MBNL2: variants seen among roughly 807,000 people sequenced by gnomAD.
MBNL2 encodes muscleblind-like protein 2.
MBNL2 carries 17 observed loss-of-function variants against 41.9 expected under a neutral mutation model. The observed-to-expected ratio is 0.41, with a 90% CI of 0.28 to 0.61. MBNL2 has a LOEUF of 0.61. Among genes scored for constraint, MBNL2 ranks in the 20% least tolerant of loss-of-function variants. The pLI, the probability that MBNL2 is intolerant of heterozygous loss-of-function variation, is 0.35. For synonymous variants in MBNL2, 195 were observed against 182.9 expected (o/e 1.07, Z -0.53); for missense variants, 336 against 505.6 (o/e 0.66, Z 3.22).
intron 3 of MBNL2, among the ~76,000 whole-genome samples, chr13:97,338,546 C>T (rs2061088310): frequency 6.6e-6 from 1 of 152,204 alleles, no homozygotes; most frequent in African/African-American, 2.4e-5. Flanking sequence ...CTCAAATTCA[C>T]AGTGTTTGAA....
chr13:97,271,621 C>T (rs1294219700), intron 1 of MBNL2, among the ~76,000 whole-genome samples: 1 of 152,062 alleles, frequency 6.6e-6, no homozygotes, highest in African/African-American at 2.4e-5. Flanking sequence ...GTGATGTTCC[C>T]CTCTCTGTGT....
the MBNL2 span, among the ~76,000 whole-genome samples, chr13:97,162,158 G>A: frequency 2.3e-4 from 35 of 152,174 alleles, no homozygotes; most frequent in African/African-American, 7.9e-4. Flanking sequence ...TCACTCTCAC[G>A]AGAATAGCAC....
intron 1 of MBNL2, among the ~76,000 whole-genome samples, chr13:97,265,641 C>T (rs974724314): frequency 2.0e-5 from 3 of 152,180 alleles, no homozygotes; most frequent in African/African-American, 4.8e-5. Flanking sequence ...GTTATTTCCA[C>T]CTGTCATTTT....
chr13:97,287,940 T>TG, intron 2 of MBNL2, among the ~76,000 whole-genome samples: 1 of 29,150 alleles, frequency 3.4e-5, no homozygotes, highest in South Asian at 1.5e-3. Flanking sequence ...TTTTGTTTTG[T>TG]TTTTTTTTTT....
At chr13:97,225,010 G>GA (rs1220037583) in intron 1 of MBNL2, among the ~76,000 whole-genome samples, 1 of 152,186 alleles carries the variant, frequency 6.6e-6, no homozygotes, top group Non-Finnish European at 1.5e-5. Context: ...GTAAATAAGA[G>GA]AAAAAACAAG....
At chr13:97,297,935 TAAGC>T (rs1029280271) in intron 2 of MBNL2, among the ~76,000 whole-genome samples, 36 of 139,092 alleles carry the variant, frequency 2.6e-4, no homozygotes, top group African/African-American at 8.5e-4. Flanking sequence ...AATAAACACA[TAAGC>T]AAGCACATAT....
At chr13:97,369,266 C>A (rs901217924) in intron 8 of MBNL2, among the ~76,000 whole-genome samples, 1 of 152,100 alleles carries the variant, frequency 6.6e-6, no homozygotes, top group Non-Finnish European at 1.5e-5. Context: ...TAGAATCATA[C>A]CCACGTGGAT....
intron 2 of MBNL2, among the ~76,000 whole-genome samples, chr13:97,286,866 A>G (rs1305500461): frequency 6.6e-6 from 1 of 152,194 alleles, no homozygotes; most frequent in Non-Finnish European, 1.5e-5. Flanking sequence ...GACGCTGTCT[A>G]TCTACTGTGT....
chr13:97,291,433 G>A lies in MBNL2; in HGVS notation c.174+15024G>A, dbSNP rs138998120. Among the ~76,000 whole-genome samples, 481 of 152,062 alleles carry A rather than the reference G, an allele frequency of 3.2e-3. 1 individual carries two copies. Among genetic ancestry groups the A allele is most frequent in the African/African-American group, 0.011 (459 of 41,498 alleles). ...ATTTTTTGTATTTTTAGTAGAGACC[G>A]GGTTTCACCGTGTTAGCCAGGATGG... On this transcript the variant is annotated intron_variant, in intron 2 of 8. Transcript: ENST00000679496.
At chr13:97,310,418 C>CT (rs564428431) in intron 2 of MBNL2, among the ~76,000 whole-genome samples, 2,719 of 145,864 alleles carry the variant, frequency 0.019, 50 homozygotes, top group East Asian at 0.067. Flanking sequence ...CCTCCTATTT[C>CT]TTTTTTTTTT....
intron 2 of MBNL2, among the ~76,000 whole-genome samples, chr13:97,276,866 A>G (rs963893379): frequency 1.3e-5 from 2 of 151,786 alleles, no homozygotes; most frequent in African/African-American, 2.4e-5. Context: ...TTTTCTGAAA[A>G]TGTGTCATGG....
intron 7 of MBNL2, among the ~76,000 whole-genome samples, chr13:97,358,819 C>T (rs1293841428): frequency 1.3e-5 from 2 of 152,172 alleles, no homozygotes; most frequent in East Asian, 1.9e-4. Context: ...TTGAACTTTT[C>T]GAGCTTATTA....
intron 1 of MBNL2, among the ~76,000 whole-genome samples, chr13:97,227,231 G>T (rs2041779014): frequency 1.3e-5 from 2 of 152,268 alleles, no homozygotes; most frequent in Non-Finnish European, 2.9e-5. Context: ...ATGTAGCCAT[G>T]TTTATAGAAC....
intron 1 of MBNL2, among the ~76,000 whole-genome samples, chr13:97,231,727 C>T (rs1470673394): frequency 6.6e-6 from 1 of 152,180 alleles, no homozygotes; most frequent in Non-Finnish European, 1.5e-5. Context: ...GACACAGACT[C>T]TCACAAGTTC....
the MBNL2 span, among the ~76,000 whole-genome samples, chr13:97,165,214 A>T: frequency 6.6e-6 from 1 of 152,174 alleles, no homozygotes; most frequent in Non-Finnish European, 1.5e-5. Context: ...CAAAAGAAAA[A>T]AAAACCCTTC....
intron 1 of MBNL2, among the ~76,000 whole-genome samples, chr13:97,238,149 G>A (rs1402651853): frequency 1.3e-5 from 2 of 152,222 alleles, no homozygotes; most frequent in African/African-American, 4.8e-5. Context: ...ATGGGTCTAG[G>A]CTTCTGTAGC....
intron 2 of MBNL2, among the ~76,000 whole-genome samples, chr13:97,313,043 A>G (rs2058743409): frequency 6.6e-6 from 1 of 152,226 alleles, no homozygotes; most frequent in Admixed American, 6.5e-5. Flanking sequence ...ACAGAGGGAA[A>G]CACTGAGAAG....
At chr13:97,199,518 A>G in the MBNL2 span, among the ~76,000 whole-genome samples, 1 of 152,234 alleles carries the variant, frequency 6.6e-6, no homozygotes, top group East Asian at 1.9e-4. Context: ...ATGAATGAAT[A>G]AACATGTGCA....
At chr13:97,383,361 A>G (rs892401122) in intron 8 of MBNL2, among the ~76,000 whole-genome samples, 1 of 152,248 alleles carries the variant, frequency 6.6e-6, no homozygotes, top group Non-Finnish European at 1.5e-5. Context: ...AATTTTATCC[A>G]GATACTCTAA....
Sources: gnomAD v4.1 joint callset for allele counts (sites outside exome capture counted in the v4.1 genomes callset) on GRCh38, gnomAD v4.1.1 for gene constraint, MANE v1.5 for transcripts, NCBI Gene and HGNC (gene_info 2026-07-23, HGNC 2026-07-21) for gene names.